BARD1: variants seen among roughly 807,000 people sequenced by gnomAD.
The protein encoded by BARD1 is BRCA1 associated RING domain 1.
In BARD1, 73 loss-of-function variants were observed where a neutral mutation model predicts 77.0. The ratio of observed to expected loss-of-function variants is 0.95; its 90% CI spans 0.79 to 1.15. The LOEUF (loss-of-function observed/expected upper bound fraction) is 1.15, where lower values mean the gene tolerates loss of function less well. Among genes scored for constraint, BARD1 ranks in the 50% most tolerant of loss-of-function variants. The probability of loss-of-function intolerance (pLI) is 0.00; values close to 1 mark genes in which losing one functional copy is unlikely to be tolerated. For missense variants in BARD1, 993 were observed against 938.8 expected (o/e 1.06, Z -0.75); for synonymous variants, 384 against 338.0 (o/e 1.14, Z -1.49).
intron 1 of BARD1, among the ~76,000 whole-genome samples, chr2:214,804,114 G>A (rs976962653): frequency 6.6e-6 from 1 of 152,124 alleles, no homozygotes; most frequent in South Asian, 2.1e-4. Flanking sequence ...TAATTTTAAC[G>A]TGTGGACCAA....
intron 9 of BARD1, among the ~76,000 whole-genome samples, chr2:214,742,780 C>T (rs969316408): frequency 3.3e-5 from 5 of 152,190 alleles, no homozygotes; most frequent in African/African-American, 1.2e-4. Context: ...TTCACAAGAA[C>T]TAGACTCAAA....
chr2:214,784,902 G>C (rs567125715), intron 3 of BARD1, among the ~76,000 whole-genome samples: 1 of 152,174 alleles, frequency 6.6e-6, no homozygotes, highest in South Asian at 2.1e-4. Context: ...GGGAGGGATA[G>C]CATTAGGAGA....
At chr2:214,766,764 T>C (rs1038784433) in intron 6 of BARD1, among the ~76,000 whole-genome samples, 1 of 152,208 alleles carries the variant, frequency 6.6e-6, no homozygotes, top group East Asian at 1.9e-4. Flanking sequence ...GTATAAATAT[T>C]TATACTATAT....
chr2:214,731,916 T>C (rs1477986259), intron 9 of BARD1, among the ~76,000 whole-genome samples: 1 of 152,206 alleles, frequency 6.6e-6, no homozygotes, highest in Admixed American at 6.5e-5. Context: ...GGACACAGCA[T>C]TGACAGATTG....
intron 9 of BARD1, among the ~76,000 whole-genome samples, chr2:214,733,526 A>T (rs1451678114): frequency 1.3e-5 from 2 of 152,200 alleles, no homozygotes; most frequent in African/African-American, 4.8e-5. Flanking sequence ...TTTTCAGATT[A>T]GGAATGCTCA....
chr2:214,777,158 TA>T (rs1694771007), intron 4 of BARD1, among the ~76,000 whole-genome samples: 1 of 152,194 alleles, frequency 6.6e-6, no homozygotes, highest in South Asian at 2.1e-4. Context: ...GTAAGAAAAT[TA>T]ATTTGCATTG....
At position 214,728,281 on chromosome 2, in the gene BARD1, T is replaced by TAA. The variant is rs754881729; in HGVS notation, c.*393_*394dup. On this transcript the variant is annotated 3_prime_UTR_variant, in exon 11 of 11. Coordinates refer to ENST00000260947, the MANE Select transcript of BARD1 (RefSeq NM_000465.4). The stretch of plus-strand genomic sequence containing the variant: ...AATTGTTTGATAATATTCTGTTTAC[T>TAA]AAAAAAAAAAAAAAAAAAAAGGCAA... 0.013 allele frequency: 1,885 copies of TAA among 148,656 alleles called. 9 individuals are homozygous for TAA. The highest frequency in any genetic ancestry group is 0.031 in the Middle Eastern group (15 of 486). 9.2% of individuals were successfully genotyped at this position (148,656 alleles called of 1,614,324 possible).
intron 3 of BARD1, among the ~76,000 whole-genome samples, chr2:214,786,175 C>T (rs1695267868): frequency 6.6e-6 from 1 of 151,414 alleles, no homozygotes; most frequent in Non-Finnish European, 1.5e-5. Context: ...TCTGATGTTA[C>T]AAGGTGTTCA....
intron 3 of BARD1, among the ~76,000 whole-genome samples, chr2:214,785,280 T>C (rs1475180897): frequency 1.3e-5 from 2 of 152,070 alleles, no homozygotes; most frequent in Non-Finnish European, 2.9e-5. Flanking sequence ...TGACAAATCA[T>C]ACAAGTCATC....
intron 4 of BARD1, among the ~76,000 whole-genome samples, chr2:214,776,979 C>T (rs975649917): frequency 1.3e-5 from 2 of 152,104 alleles, no homozygotes; most frequent in African/African-American, 4.8e-5. Context: ...CAACCCTCAG[C>T]TGAAAACCAG....
intron 4 of BARD1, among the ~76,000 whole-genome samples, chr2:214,777,374 A>G (rs1243037598): frequency 6.6e-6 from 1 of 152,194 alleles, no homozygotes; most frequent in Non-Finnish European, 1.5e-5. Context: ...ATCAATCAGT[A>G]AAGCCCTACC....
At chr2:214,738,000 G>A (rs1260327900) in intron 9 of BARD1, among the ~76,000 whole-genome samples, 2 of 152,046 alleles carry the variant, frequency 1.3e-5, no homozygotes, top group East Asian at 3.9e-4. Flanking sequence ...AGCTTTCTTG[G>A]CTAATAATTT....
intron 1 of BARD1, among the ~76,000 whole-genome samples, 197 bp from the exon 2 acceptor site, chr2:214,797,314 G>A (rs2106146270): frequency 6.6e-6 from 1 of 152,276 alleles, no homozygotes; most frequent in South Asian, 2.1e-4. Context: ...ATTTTAAATA[G>A]TAACCACCAA....
At chr2:214,779,966 G>A (rs190927852) in intron 4 of BARD1, among the ~76,000 whole-genome samples, 26 of 152,258 alleles carry the variant, frequency 1.7e-4, no homozygotes, top group South Asian at 6.2e-4. Context: ...TCCATAAAAC[G>A]CTGCCACATC....
At chr2:214,750,046 CT>C (rs1289261365) in intron 7 of BARD1, among the ~76,000 whole-genome samples, 1 of 152,140 alleles carries the variant, frequency 6.6e-6, no homozygotes, top group Admixed American at 6.5e-5. Flanking sequence ...ACCTCCTTAT[CT>C]TAAACAATGG....
At chr2:214,807,732 GA>G (rs1696339934) in intron 1 of BARD1, among the ~76,000 whole-genome samples, 1 of 70,884 alleles carries the variant, frequency 1.4e-5, no homozygotes, top group African/African-American at 5.0e-5. Flanking sequence ...CTCATATCCG[GA>G]AAATGAGAGA....
At chr2:214,774,930 A>G (rs573274702) in intron 4 of BARD1, among the ~76,000 whole-genome samples, 2 of 152,088 alleles carry the variant, frequency 1.3e-5, no homozygotes, top group South Asian at 2.1e-4. Context: ...CTAGCTTCCA[A>G]CTTTTCTTCT....
At chr2:214,795,363 TG>T (rs1695712058) in intron 2 of BARD1, among the ~76,000 whole-genome samples, 1 of 152,120 alleles carries the variant, frequency 6.6e-6, no homozygotes, top group Non-Finnish European at 1.5e-5. Flanking sequence ...TGGAACAGTG[TG>T]AGCCAGAGGT....
In BARD1 at chr2:214,728,905, A is replaced by T. The variant is rs752114855; in HGVS notation, c.2105T>A (p.Ile702Asn). ...GTCTGGCTTGGGCTTTCTACTGAGG[A>T]TCTGGCCCCCACCTGCAGTGACGAG... ...IKLVTAGGGQ[I>N]LSRKPKPDSD... is the part of the protein sequence containing the mutation. Residue 702 changes from isoleucine to asparagine, a missense_variant, in exon 11 of 11, where the codon ATC (isoleucine) becomes AAC (asparagine). Physicochemically the swap from Ile to Asn is moderately radical, Grantham distance 149. Transcript: ENST00000260947. The T allele has an allele frequency of 6.2e-7, 1 of 1,614,026 alleles. No homozygotes were observed. The highest frequency in any genetic ancestry group is 1.3e-5 in the African/African-American group (1 of 74,924).
Sources: allele counts gnomAD v4.1 joint callset (sites outside exome capture counted in the v4.1 genomes callset), GRCh38; gene constraint gnomAD v4.1.1; transcripts MANE v1.5; gene names NCBI Gene and HGNC (gene_info 2026-07-23, HGNC 2026-07-21).